KLF12: variants seen among roughly 807,000 people sequenced by gnomAD.
The protein encoded by KLF12 is KLF transcription factor 12.
KLF12 carries 9 observed loss-of-function variants against 37.8 expected under a neutral mutation model. That is an observed-to-expected ratio of 0.24 (90% CI 0.14 to 0.42). KLF12 has a LOEUF of 0.42. Among genes scored for constraint, KLF12 ranks in the 10% least tolerant of loss-of-function variants. The pLI, the probability that KLF12 is intolerant of heterozygous loss-of-function variation, is 1.00. For synonymous variants in KLF12, 208 were observed against 202.1 expected, an observed-to-expected ratio of 1.03 and a Z score of -0.25; for missense variants, 411 against 516.0, an observed-to-expected ratio of 0.80 and a Z score of 1.97.
At chr13:73,961,466 A>G (rs1891019018) in intron 2 of KLF12, among the ~76,000 whole-genome samples, 1 of 152,172 alleles carries the variant, frequency 6.6e-6, no homozygotes, top group African/African-American at 2.4e-5. Flanking sequence ...GAAGACACAG[A>G]GAAACAGAAC....
At chr13:74,227,632 A>G in the KLF12 span, among the ~76,000 whole-genome samples, 1 of 152,280 alleles carries the variant, frequency 6.6e-6, no homozygotes, top group East Asian at 1.9e-4. Flanking sequence ...CTTAGCAAAC[A>G]ATACATAAGA....
intron 3 of KLF12, among the ~76,000 whole-genome samples, chr13:73,927,640 G>A (rs1000051391): frequency 6.6e-5 from 10 of 151,882 alleles, no homozygotes; most frequent in African/African-American, 2.4e-4. Context: ...GCAGTGGCGC[G>A]ATCTCGGCTC....
intron 1 of KLF12, among the ~76,000 whole-genome samples, chr13:74,088,278 T>A (rs528153017): frequency 6.6e-6 from 1 of 152,242 alleles, no homozygotes; most frequent in South Asian, 2.1e-4. Flanking sequence ...TAGCTTTTTT[T>A]TTTTGAGACA....
At chr13:74,056,387 G>T (rs1258912197) in intron 1 of KLF12, among the ~76,000 whole-genome samples, 1 of 152,146 alleles carries the variant, frequency 6.6e-6, no homozygotes, top group Non-Finnish European at 1.5e-5. Flanking sequence ...TTAGGGCCTG[G>T]CTTTTATTGC....
intron 3 of KLF12, among the ~76,000 whole-genome samples, chr13:73,886,992 CAAAAA>C (rs35604161): frequency 7.9e-6 from 1 of 127,204 alleles, no homozygotes. Flanking sequence ...AAATCCGTCT[CAAAAA>C]AAAAAAAAAA....
intron 6 of KLF12, among the ~76,000 whole-genome samples, chr13:73,727,929 T>G (rs1210108448): frequency 6.6e-6 from 1 of 152,182 alleles, no homozygotes; most frequent in Non-Finnish European, 1.5e-5. Flanking sequence ...ACTCCTGACC[T>G]CAGGTGATCC....
chr13:73,865,574 T>C (rs1041129187), intron 3 of KLF12, among the ~76,000 whole-genome samples: 1 of 152,178 alleles, frequency 6.6e-6, no homozygotes. Flanking sequence ...CGTCTGCTAT[T>C]CACTTAAATT....
the KLF12 span, among the ~76,000 whole-genome samples, chr13:74,186,351 G>T: frequency 1.3e-3 from 204 of 152,178 alleles, 2 homozygotes; most frequent in Admixed American, 2.2e-3. Flanking sequence ...CCCTTCCTGG[G>T]TGTTTATATG....
intron 3 of KLF12, among the ~76,000 whole-genome samples, chr13:73,888,192 C>T (rs1417305568): frequency 1.3e-5 from 2 of 151,972 alleles, no homozygotes; most frequent in Non-Finnish European, 2.9e-5. Context: ...TTTGCAGAGA[C>T]AGGGTTTCGC....
intron 5 of KLF12, among the ~76,000 whole-genome samples, chr13:73,811,148 G>T (rs1882922202): frequency 1.3e-5 from 2 of 151,488 alleles, no homozygotes; most frequent in Admixed American, 1.3e-4. Context: ...ACCACGCCCA[G>T]CTAATTTTTG....
intron 1 of KLF12, among the ~76,000 whole-genome samples, chr13:74,025,184 C>T (rs545439276): frequency 8.3e-4 from 127 of 152,254 alleles, no homozygotes; most frequent in Non-Finnish European, 1.5e-3. Context: ...CTATCACTTG[C>T]CTTTGCTTAC....
chr13:73,956,119 T>C (rs1280555436), intron 2 of KLF12, among the ~76,000 whole-genome samples: 1 of 152,240 alleles, frequency 6.6e-6, no homozygotes, highest in Non-Finnish European at 1.5e-5. Context: ...AAATTTGGAA[T>C]ACATTTTTAA....
At chr13:73,992,969 C>A (rs1853739) in intron 2 of KLF12, among the ~76,000 whole-genome samples, 4 of 152,164 alleles carry the variant, frequency 2.6e-5, no homozygotes, top group Non-Finnish European at 4.4e-5. Context: ...CAGTCACTCA[C>A]GCCTGTAATC....
At chr13:73,957,519 A>C (rs930035173) in intron 2 of KLF12, among the ~76,000 whole-genome samples, 3 of 152,192 alleles carry the variant, frequency 2.0e-5, no homozygotes, top group Non-Finnish European at 2.9e-5. Context: ...TCTCCAAAGT[A>C]ACTACAATTA....
At chr13:73,869,235 T>C (rs1259293021) in intron 3 of KLF12, among the ~76,000 whole-genome samples, 3 of 152,206 alleles carry the variant, frequency 2.0e-5, no homozygotes, top group Non-Finnish European at 4.4e-5. Flanking sequence ...AAAGCTATTA[T>C]ATAGATGCAC....
chr13:73,839,391 C>T (rs867652676), intron 4 of KLF12, among the ~76,000 whole-genome samples: 3 of 151,988 alleles, frequency 2.0e-5, no homozygotes, highest in South Asian at 4.2e-4. Flanking sequence ...GCATGAGCCA[C>T]CACACCTGTC....
chr13:74,185,836 G>T, the KLF12 span, among the ~76,000 whole-genome samples: 11 of 152,128 alleles, frequency 7.2e-5, no homozygotes, highest in Middle Eastern at 3.4e-3. Context: ...TAGAGACGGG[G>T]TTTCACCATG....
chr13:73,718,698 G>C lies in KLF12; in HGVS notation c.870-3173C>G, dbSNP rs368808564. Reference sequence around the variant, plus strand: ...CCTTGAGCTCAGGAGTTCAAGACCAGCCAGGGCAACATGGTGAAACCCTGT... The same window carrying C: ...CCTTGAGCTCAGGAGTTCAAGACCACCCAGGGCAACATGGTGAAACCCTGT... On this transcript the variant is annotated intron_variant, in intron 6 of 7. Transcript: ENST00000377669. Among the ~76,000 whole-genome samples, 90 of 152,272 alleles carry C rather than the reference G, an allele frequency of 5.9e-4. 6 individuals are homozygous for C. The highest frequency in any genetic ancestry group is 1.8e-3 in the Admixed American group (28 of 15,296).
At chr13:73,941,937 G>A (rs917628004) in intron 3 of KLF12, among the ~76,000 whole-genome samples, 2 of 152,050 alleles carry the variant, frequency 1.3e-5, no homozygotes, top group South Asian at 2.1e-4. Context: ...GAGGAAAATC[G>A]ATTTTCATGA....
Sources: gnomAD v4.1 joint callset for allele counts (sites outside exome capture counted in the v4.1 genomes callset) on GRCh38, gnomAD v4.1.1 for gene constraint, MANE v1.5 for transcripts, NCBI Gene and HGNC (gene_info 2026-07-23, HGNC 2026-07-21) for gene names.